STON2: variants seen among roughly 807,000 people sequenced by gnomAD.
STON2 encodes stonin 2.
STON2 carries 29 observed loss-of-function variants against 65.7 expected under a neutral mutation model. The ratio of observed to expected loss-of-function variants is 0.44; its 90% CI spans 0.33 to 0.60. The LOEUF is 0.60. Among genes scored for constraint, STON2 ranks in the 20% least tolerant of loss-of-function variants. STON2 has a pLI of 0.03. For synonymous variants in STON2, 404 were observed against 414.2 expected (o/e 0.98, Z 0.30); for missense variants, 1,054 against 1,118.1 (o/e 0.94, Z 0.82).
At chr14:81,357,550 GTATATACCCAAAGGA>G (rs1898296850) in intron 4 of STON2, among the ~76,000 whole-genome samples, 1 of 151,712 alleles carries the variant, frequency 6.6e-6, no homozygotes, top group South Asian at 2.1e-4. Flanking sequence ...CCATTACTGG[GTATATACCCAAAGGA>G]CTATAAATCA....
upstream of STON2, among the ~76,000 whole-genome samples, chr14:81,403,989 T>A (rs1193176812): frequency 6.6e-6 from 1 of 152,190 alleles, no homozygotes; most frequent in Non-Finnish European, 1.5e-5. Flanking sequence ...ATCTTTTGCT[T>A]ATTGATGTCT....
intron 5 of STON2, among the ~76,000 whole-genome samples, chr14:81,282,927 A>T (rs1186443706): frequency 1.3e-5 from 2 of 152,224 alleles, no homozygotes; most frequent in Non-Finnish European, 2.9e-5. Context: ...AAGTATCTTG[A>T]TCACAAAGCT....
At chr14:81,300,135 G>A (rs1895915300) in intron 5 of STON2, among the ~76,000 whole-genome samples, 1 of 152,036 alleles carries the variant, frequency 6.6e-6, no homozygotes, top group Admixed American at 6.6e-5. Flanking sequence ...GAGTGTAGAA[G>A]TGGACCCACG....
intron 4 of STON2, among the ~76,000 whole-genome samples, chr14:81,345,316 C>T (rs1897769641): frequency 1.3e-5 from 2 of 152,114 alleles, no homozygotes; most frequent in Non-Finnish European, 2.9e-5. Context: ...GCAGTGGGCC[C>T]TAATCCAATA....
intron 4 of STON2, among the ~76,000 whole-genome samples, chr14:81,324,406 T>C (rs544469403): frequency 7.9e-5 from 12 of 152,392 alleles, no homozygotes; most frequent in African/African-American, 2.9e-4. Context: ...CAAATAACAC[T>C]TGGGTAATTA....
chr14:81,426,748 G>T (rs1312687149), intron 2 of STON2, among the ~76,000 whole-genome samples: 1 of 152,110 alleles, frequency 6.6e-6, no homozygotes, highest in African/African-American at 2.4e-5. Flanking sequence ...TTTACAAAAA[G>T]GCAGTTTACA....
intron 3 of STON2, among the ~76,000 whole-genome samples, chr14:81,373,499 G>T (rs1253126853): frequency 6.6e-6 from 1 of 152,118 alleles, no homozygotes; most frequent in African/African-American, 2.4e-5. Context: ...TTTGTAAAAT[G>T]TAATAACATT....
At chr14:81,368,441 T>C (rs1437908560) in intron 4 of STON2, among the ~76,000 whole-genome samples, 3 of 152,136 alleles carry the variant, frequency 2.0e-5, no homozygotes, top group South Asian at 2.1e-4. Context: ...GGGCCAGGCA[T>C]GGTGGCTCAC....
At chr14:81,426,607 A>G (rs1426905464) in intron 2 of STON2, among the ~76,000 whole-genome samples, 4 of 152,134 alleles carry the variant, frequency 2.6e-5, no homozygotes, top group Non-Finnish European at 5.9e-5. Context: ...CCCTTCCCTG[A>G]AATGACTGCG....
chr14:81,378,375 CTAGT>C (rs1039745425), intron 3 of STON2, among the ~76,000 whole-genome samples: 1 of 152,004 alleles, frequency 6.6e-6, no homozygotes, highest in Non-Finnish European at 1.5e-5. Context: ...ACCACTATGC[CTAGT>C]TAGTTTTTCA....
chr14:81,268,397 C>T lies in STON2; in HGVS notation c.*17G>A. 7.8e-7 allele frequency: 1 copy of T among 1,289,278 alleles called. No individual in the cohort carries two copies. The highest frequency in any genetic ancestry group is 1.0e-6 in the Non-Finnish European group (1 of 988,646). 79.9% of individuals were successfully genotyped at this position (1,289,278 alleles called of 1,614,324 possible). A position where few individuals can be genotyped will look rare whatever the true frequency, so the allele number is the denominator to read the frequency against. ...TATCATGACTCTGGGATCAGGATTC[C>T]TTGCCGCAAGGCTTTGTCACTGCAC... On this transcript the variant is annotated 3_prime_UTR_variant, in exon 8 of 8. Transcript: ENST00000614646.
intron 2 of STON2, among the ~76,000 whole-genome samples, chr14:81,416,870 T>G (rs774971277): frequency 1.2e-4 from 18 of 152,176 alleles, no homozygotes; most frequent in Non-Finnish European, 2.6e-4. Flanking sequence ...TTAAAGCTCC[T>G]GCCAACACTC....
intron 5 of STON2, among the ~76,000 whole-genome samples, chr14:81,316,478 C>T (rs1896626039): frequency 6.6e-6 from 1 of 152,092 alleles, no homozygotes; most frequent in Admixed American, 6.6e-5. Context: ...AAGATCAACT[C>T]AGTAAGTAAT....
intron 2 of STON2, among the ~76,000 whole-genome samples, chr14:81,414,670 A>G (rs73341992): frequency 0.035 from 5,371 of 152,166 alleles, 302 homozygotes; most frequent in African/African-American, 0.12. Context: ...CAGTAAATAC[A>G]AGAACAAATG....
chr14:81,342,137 G>A (rs1049742071), intron 4 of STON2, among the ~76,000 whole-genome samples: 6 of 151,872 alleles, frequency 4.0e-5, no homozygotes, highest in African/African-American at 1.2e-4. Context: ...AGCCATAATG[G>A]AGTTTTTTTG....
At chr14:81,374,069 G>A (rs904213582) in intron 3 of STON2, among the ~76,000 whole-genome samples, 27 of 128,556 alleles carry the variant, frequency 2.1e-4, no homozygotes, top group Non-Finnish European at 3.9e-4. Flanking sequence ...GGAGTGTAGT[G>A]GTGCAATCCC....
Position 81,264,500 on chromosome 14 carries a change from A to G in STON2, c.*3914T>C. On this transcript the variant is annotated 3_prime_UTR_variant, in exon 8 of 8. Coordinates refer to ENST00000614646, the MANE Select transcript of STON2 (RefSeq NM_001394390.1). ...CAAGCATTTAAGGTGGCTGAACCCT[A>G]TTATATTCCAAGCTTTGTGCTAGGT... 1 of 985,416 alleles carries G rather than the reference A, an allele frequency of 1.0e-6. No individual in the cohort carries two copies. Among genetic ancestry groups the G allele is most frequent in the Non-Finnish European group, 1.2e-6 (1 of 829,920 alleles). 61.0% of individuals were successfully genotyped at this position (985,416 alleles called of 1,614,324 possible).
chr14:81,351,740 A>G (rs1234150027), intron 4 of STON2, among the ~76,000 whole-genome samples: 2 of 152,198 alleles, frequency 1.3e-5, no homozygotes, highest in Non-Finnish European at 2.9e-5. Context: ...TCCCCAGTCC[A>G]GGCCACCATC....
Position 81,277,484 on chromosome 14 carries a change from T to C in STON2, c.1998A>G (p.Ala666=), listed in dbSNP as rs754426063. ...TGTCATTGAGGCCCAGGCGGCACTC[T>C]GCGAGCCCAGACAGGAAACTCAGGA... The part of the protein sequence containing the change: ...IHILSFLSGL[A]ECRLGLNDIL... Residue 666 remains alanine (A), a synonymous_variant, in exon 6 of 8, where the codon GCA becomes GCG. Coordinates refer to ENST00000614646, the MANE Select transcript of STON2 (RefSeq NM_001394390.1). 8.7e-6 allele frequency: 14 copies of C among 1,614,136 alleles called. No homozygotes were observed. Among genetic ancestry groups the C allele is most frequent in the Non-Finnish European group, 1.2e-5 (14 of 1,180,036 alleles).
Sources: allele counts gnomAD v4.1 joint callset (sites outside exome capture counted in the v4.1 genomes callset), GRCh38; gene constraint gnomAD v4.1.1; transcripts MANE v1.5; gene names NCBI Gene and HGNC (gene_info 2026-07-23, HGNC 2026-07-21).